The following MAP7 variants were observed in gnomAD, a reference collection of about 807,000 sequenced individuals.
MAP7 encodes ensconsin.
A neutral mutation model predicts 94.8 loss-of-function variants in MAP7; 52 were observed. The ratio of observed to expected loss-of-function variants is 0.55; its 90% CI spans 0.44 to 0.69. The LOEUF (loss-of-function observed/expected upper bound fraction) is 0.69, where lower values mean the gene tolerates loss of function less well. MAP7 is among the 30% of genes least tolerant of loss of function. The pLI is 0.00. For missense variants in MAP7, 940 were observed against 964.6 expected, an observed-to-expected ratio of 0.97 and a Z score of 0.34; for synonymous variants, 350 against 357.0, an observed-to-expected ratio of 0.98 and a Z score of 0.22.
At chr6:136,456,613 A>G (rs1197992429) in intron 1 of MAP7, among the ~76,000 whole-genome samples, 1 of 151,736 alleles carries the variant, frequency 6.6e-6, no homozygotes, top group East Asian at 1.9e-4. Flanking sequence ...TCAAGGCTGC[A>G]GTGGTCCATG....
intron 1 of MAP7, among the ~76,000 whole-genome samples, chr6:136,456,692 A>T (rs116186299): frequency 0.053 from 7,684 of 144,086 alleles, 477 homozygotes; most frequent in African/African-American, 0.14. Flanking sequence ...AAGAAGAAAG[A>T]AGAAAGAAGA....
chr6:136,448,296 C>T (rs554859322), intron 1 of MAP7, among the ~76,000 whole-genome samples: 7 of 152,302 alleles, frequency 4.6e-5, no homozygotes, highest in African/African-American at 1.7e-4. Context: ...AAAAACATTA[C>T]ATATGAACCT....
chr6:136,409,853 A>G (rs561151547), intron 3 of MAP7, among the ~76,000 whole-genome samples: 1 of 152,352 alleles, frequency 6.6e-6, no homozygotes, highest in African/African-American at 2.4e-5. Flanking sequence ...TATATGGCAC[A>G]TACAGTGTTT....
chr6:136,393,403 C>T (rs769914135), intron 3 of MAP7, among the ~76,000 whole-genome samples: 6 of 152,144 alleles, frequency 3.9e-5, no homozygotes, highest in East Asian at 1.9e-4. Context: ...CTAGTTCAAA[C>T]GCAGATTCCA....
intron 16 of MAP7, among the ~76,000 whole-genome samples, chr6:136,354,295 A>G (rs1790163347): frequency 1.4e-5 from 2 of 145,066 alleles, no homozygotes; most frequent in South Asian, 4.2e-4. Context: ...ATAAAAATAA[A>G]TTTCCTTTAT....
chr6:136,503,651 T>TA (rs1257203804), intron 1 of MAP7, among the ~76,000 whole-genome samples: 2 of 152,314 alleles, frequency 1.3e-5, no homozygotes, highest in Non-Finnish European at 2.9e-5. Context: ...TTCCATTATT[T>TA]AAAAAAATCT....
chr6:136,358,555 A>T (rs907120888), intron 15 of MAP7, among the ~76,000 whole-genome samples: 8 of 152,240 alleles, frequency 5.3e-5, no homozygotes, highest in Non-Finnish European at 1.0e-4. Flanking sequence ...AAACCAAAAT[A>T]GCTTCTATGG....
intron 1 of MAP7, among the ~76,000 whole-genome samples, chr6:136,519,419 A>G (rs918602618): frequency 6.6e-6 from 1 of 152,228 alleles, no homozygotes; most frequent in Non-Finnish European, 1.5e-5. Flanking sequence ...GCCTTACAGA[A>G]CAAAAGAGAA....
intron 1 of MAP7, among the ~76,000 whole-genome samples, chr6:136,454,275 C>CGA (rs1190805435): frequency 1.5e-5 from 2 of 137,524 alleles, no homozygotes; most frequent in African/African-American, 5.6e-5. Context: ...CCTAAATGAT[C>CGA]TATCTATCTA....
chr6:136,511,870 G>A (rs1823384779), intron 1 of MAP7, among the ~76,000 whole-genome samples: 1 of 152,120 alleles, frequency 6.6e-6, no homozygotes, highest in African/African-American at 2.4e-5. Flanking sequence ...CCACAAACAC[G>A]AAATGAACGT....
chr6:136,509,568 GT>G (rs965686156), intron 1 of MAP7, among the ~76,000 whole-genome samples: 3 of 151,376 alleles, frequency 2.0e-5, no homozygotes, highest in Admixed American at 6.6e-5. Flanking sequence ...TTTTGTTTTT[GT>G]TTTTTTTGAG....
In MAP7 at chr6:136,389,504, T is replaced by C. The variant is rs770208353; in HGVS notation, c.258A>G (p.Ile86Met). 1.9e-6 allele frequency: 3 copies of C among 1,606,282 alleles called. No individual in the cohort carries two copies. Among genetic ancestry groups the C allele is most frequent in the Middle Eastern group, 1.7e-4 (1 of 6,030 alleles). Reference protein sequence around the residue: ...EREKQLAAREIVWLEREERAR... With the variant: ...EREKQLAAREMVWLEREERAR... ...CTCGCTCTTCTCTTTCTAACCACAC[T>C]ATTTCTCTTGCAGCTTTGGGGAGGG... The change falls in exon 4 of 18, where the codon ATA becomes ATG. Residue 86 changes from isoleucine (I) to methionine (M), a missense_variant. By Grantham distance (10) the Ile-to-Met change is conservative. Transcript: ENST00000354570.
At chr6:136,481,268 G>A (rs1388343486) in intron 1 of MAP7, among the ~76,000 whole-genome samples, 1 of 152,102 alleles carries the variant, frequency 6.6e-6, no homozygotes, top group Non-Finnish European at 1.5e-5. Context: ...ACCACTGCTA[G>A]GTATATACTC....
chr6:136,369,894 C>T (rs1483741977), intron 8 of MAP7, among the ~76,000 whole-genome samples: 2 of 152,040 alleles, frequency 1.3e-5, no homozygotes, highest in African/African-American at 4.8e-5. Flanking sequence ...AAAGCGTAGG[C>T]AATAAAGTGT....
chr6:136,400,133 T>C (rs977482411), intron 3 of MAP7, among the ~76,000 whole-genome samples: 38 of 151,834 alleles, frequency 2.5e-4, no homozygotes, highest in African/African-American at 9.0e-4. Context: ...AAGGGGAAAA[T>C]AGGCTGGGTG....
chr6:136,466,830 C>G (rs2128927840), intron 1 of MAP7: 1 of 1,533,424 alleles, frequency 6.5e-7, no homozygotes, highest in Middle Eastern at 1.7e-4. Flanking sequence ...CTGCATGTCT[C>G]CCTCTTCTTG....
intron 3 of MAP7, among the ~76,000 whole-genome samples, chr6:136,395,973 C>T (rs1395971622): frequency 2.0e-5 from 3 of 152,052 alleles, no homozygotes; most frequent in Middle Eastern, 3.4e-3. Flanking sequence ...GTAACCAGAG[C>T]TTAATATTTT....
chr6:136,459,373 G>A (rs1043661452), intron 1 of MAP7, among the ~76,000 whole-genome samples: 1 of 151,962 alleles, frequency 6.6e-6, no homozygotes, highest in Non-Finnish European at 1.5e-5. Context: ...ATTAAACACA[G>A]AAATACCATA....
At chr6:136,418,839 A>G in intron 2 of MAP7, among the ~76,000 whole-genome samples, 1 of 152,168 alleles carries the variant, frequency 6.6e-6, no homozygotes, top group East Asian at 1.9e-4. Context: ...AAAAGGTGTT[A>G]CTCAAGGCCA....
Sources: allele counts gnomAD v4.1 joint callset (sites outside exome capture counted in the v4.1 genomes callset), GRCh38; gene constraint gnomAD v4.1.1; transcripts MANE v1.5; gene names NCBI Gene and HGNC (gene_info 2026-07-23, HGNC 2026-07-21).